C10orf53: variants seen among roughly 807,000 people sequenced by gnomAD.
The protein encoded by C10orf53 is chromosome 10 open reading frame 53.
C10orf53 carries 8 observed loss-of-function variants against 9.4 expected under a neutral mutation model. The observed-to-expected ratio is 0.85, with a 90% CI of 0.50 to 1.53. The LOEUF is 1.53. Among genes scored for constraint, C10orf53 ranks in the 40% most tolerant of loss-of-function variants. C10orf53 has a pLI of 0.00. For synonymous variants in C10orf53, 48 were observed against 46.0 expected, an observed-to-expected ratio of 1.04 and a Z score of -0.18; for missense variants, 117 against 117.8, an observed-to-expected ratio of 0.99 and a Z score of 0.03.
chr10:49,679,832 G>A (rs752507814), intron 1 of C10orf53, 38 bp downstream of exon 1: 151 of 1,503,304 alleles, frequency 1.0e-4, no homozygotes, highest in Non-Finnish European at 1.3e-4. Context: ...GAGGGCCCCA[G>A]CCTCTGAGCA....
chr10:49,679,748 AGGCCTAC>A lies in C10orf53; in HGVS notation c.52_58del (p.Gly18ArgfsTer18). The A allele has an allele frequency of 6.5e-7, 1 of 1,547,166 alleles. No homozygotes were observed. Among genetic ancestry groups the A allele is most frequent in the Non-Finnish European group, 8.7e-7 (1 of 1,145,856 alleles). ...TGCGCTATGGGCCCTACAGCGCGGC[AGGCCTAC>A]CGGTGGAGCACCACACCTTCCGCCT... On this transcript the variant is annotated frameshift_variant, in exon 1 of 3. Transcript: ENST00000374111. LOFTEE classifies it high-confidence loss of function.
Position 49,689,000 on chromosome 10 carries a change from A to G in C10orf53, c.98-4774A>G, listed in dbSNP as rs116885229. On this transcript the variant is annotated intron_variant, in intron 1 of 2. Coordinates refer to ENST00000374111, the MANE Select transcript of C10orf53 (RefSeq NM_001042427.3). Reference sequence around the variant, plus strand: ...CTCCCCCACTTGGAGGCATGCTTTGAGGAGGGAAGGGGCAGGAGTTCTTTT... The same window carrying G: ...CTCCCCCACTTGGAGGCATGCTTTGGGGAGGGAAGGGGCAGGAGTTCTTTT... Among the ~76,000 whole-genome samples the G allele has an allele frequency of 4.2e-4, 64 of 152,192 alleles. 2 individuals are homozygous for G. The East Asian group carries it at 0.011, about 26-fold the overall frequency.
exon 3 of C10orf53, chr10:49,708,490 C>T (rs190953213): frequency 6.2e-7 from 1 of 1,614,196 alleles, no homozygotes; most frequent in African/African-American, 1.3e-5. Context: ...CAGGACCTGA[C>T]TTGTACTGTA....
chr10:49,684,643 CT>C (rs1291484788), intron 1 of C10orf53, among the ~76,000 whole-genome samples: 1 of 152,066 alleles, frequency 6.6e-6, no homozygotes, highest in African/African-American at 2.4e-5. Context: ...TCTTTATCTC[CT>C]TTTCAGATCA....
At chr10:49,700,170 C>T (rs773449747), downstream of C10orf53, among the ~76,000 whole-genome samples, 69 of 152,222 alleles carry the variant, frequency 4.5e-4, no homozygotes, top group Non-Finnish European at 7.8e-4. Flanking sequence ...TCCAAGGAAT[C>T]CATTGGCATG....
chr10:49,687,945 G>T (rs930348629), intron 1 of C10orf53, among the ~76,000 whole-genome samples: 2 of 152,214 alleles, frequency 1.3e-5, no homozygotes, highest in African/African-American at 4.8e-5. Flanking sequence ...GGGGTGGAAT[G>T]AACTATTAAG....
intron 2 of C10orf53, 37 bp downstream of exon 2, chr10:49,693,930 C>T: frequency 6.2e-7 from 1 of 1,613,912 alleles, no homozygotes; most frequent in Non-Finnish European, 8.5e-7. Context: ...CAGCAATTTG[C>T]CTCCTCTGAG....
chr10:49,694,007 G>C (rs765184610), intron 2 of C10orf53, 114 bp downstream of exon 2: 49 of 1,480,392 alleles, frequency 3.3e-5, no homozygotes, highest in Non-Finnish European at 4.4e-5. Flanking sequence ...GTTTCTTTCT[G>C]AGTTTGAAAC....
chr10:49,682,879 A>G (rs576512442), intron 1 of C10orf53, among the ~76,000 whole-genome samples: 47 of 152,324 alleles, frequency 3.1e-4, no homozygotes, highest in African/African-American at 1.0e-3. Context: ...TTCACTTAGC[A>G]TAATATTTCA....
rs1291011290 is a variant in C10orf53, at chr10:49,685,326, TG to T, written c.97+5533del. ...CAACACTTTATTGTAAAATAGGCTT[TG>T]TATTAGATAATTTTGCCCAGCTGTA... On this transcript the variant is annotated intron_variant, in intron 1 of 2. Transcript: ENST00000374111. Among the ~76,000 whole-genome samples the T allele has an allele frequency of 2.6e-5, 4 of 152,324 alleles. No individual in the cohort carries two copies. In the East Asian group the frequency reaches 5.8e-4, roughly 22 times the overall value.
At chr10:49,692,982 A>G (rs1009702074) in intron 1 of C10orf53, among the ~76,000 whole-genome samples, 1 of 152,224 alleles carries the variant, frequency 6.6e-6, no homozygotes, top group African/African-American at 2.4e-5. Context: ...TAATCTCACC[A>G]CAGACAGATA....
intron 1 of C10orf53, among the ~76,000 whole-genome samples, chr10:49,681,498 G>C (rs1840478604): frequency 6.6e-6 from 1 of 152,248 alleles, no homozygotes; most frequent in Non-Finnish European, 1.5e-5. Flanking sequence ...CTTTCTGTGA[G>C]AGAACAGTTG....
intron 2 of C10orf53, among the ~76,000 whole-genome samples, chr10:49,704,755 A>C (rs1323442889): frequency 6.6e-6 from 1 of 152,226 alleles, no homozygotes; most frequent in Non-Finnish European, 1.5e-5. Flanking sequence ...AAAAATTAAA[A>C]TAAAAAAGGA....
At chr10:49,693,692 C>T in intron 1 of C10orf53, 82 bp from the exon 2 acceptor site, 3 of 1,480,398 alleles carry the variant, frequency 2.0e-6, no homozygotes, top group Non-Finnish European at 2.8e-6. Flanking sequence ...AGACAAGCTA[C>T]TGTCATCATG....
chr10:49,688,261 CA>C (rs1364712410), intron 1 of C10orf53, among the ~76,000 whole-genome samples: 3 of 152,054 alleles, frequency 2.0e-5, no homozygotes, highest in African/African-American at 7.3e-5. Flanking sequence ...ACCCTGCAGG[CA>C]CCTCTCACTC....
chr10:49,704,604 C>T (rs1840709473), intron 2 of C10orf53, among the ~76,000 whole-genome samples: 1 of 152,020 alleles, frequency 6.6e-6, no homozygotes, highest in African/African-American at 2.4e-5. Flanking sequence ...ATTAGCTAGG[C>T]ATGGTGGTGC....
intron 1 of C10orf53, among the ~76,000 whole-genome samples, chr10:49,687,479 T>G (rs913745596): frequency 2.6e-5 from 4 of 152,188 alleles, no homozygotes; most frequent in African/African-American, 9.7e-5. Flanking sequence ...GGCTCTGAAG[T>G]CAACACATAT....
chr10:49,708,925 C>T lies in C10orf53; in HGVS notation c.*308C>T, dbSNP rs571278571. The T allele has an allele frequency of 1.2e-5, 4 of 342,962 alleles. No homozygotes were observed. In the East Asian group the frequency reaches 1.8e-4, roughly 16 times the overall value. The allele number at this position is 342,962 out of a possible 1,614,324, so 21.2% of individuals were successfully genotyped here. A position where few individuals can be genotyped will look rare whatever the true frequency, so the allele number is the denominator to read the frequency against. On this transcript the variant is annotated 3_prime_UTR_variant, in exon 3 of 3. Transcript: ENST00000374112. ...GTGAACTGATCTGCCCTTTTCTCAA[C>T]AATGCCAGTGCTTTCGCCCTGCTTT...
At chr10:49,681,686 C>G (rs927967919) in intron 1 of C10orf53, among the ~76,000 whole-genome samples, 1 of 152,218 alleles carries the variant, frequency 6.6e-6, no homozygotes, top group Non-Finnish European at 1.5e-5. Context: ...TCTGGGCGCT[C>G]TTCCTGGCTT....
Sources: gnomAD v4.1 joint callset for allele counts (sites outside exome capture counted in the v4.1 genomes callset) on GRCh38, gnomAD v4.1.1 for gene constraint, MANE v1.5 for transcripts, NCBI Gene and HGNC (gene_info 2026-07-23, HGNC 2026-07-21) for gene names.